The following TM9SF4 variants were observed in gnomAD, a reference collection of about 807,000 sequenced individuals.
The protein encoded by TM9SF4 is dinucleotide oxidase disulfide thiol exchanger 3 superfamily member 4.
Under a neutral mutation model 90.4 loss-of-function variants are expected in TM9SF4, and 26 were observed. The ratio of observed to expected loss-of-function variants is 0.29; its 90% CI spans 0.21 to 0.40. The LOEUF is 0.40. Ranked by LOEUF, TM9SF4 falls within the 10% of genes least tolerant of loss-of-function variation. The probability of loss-of-function intolerance (pLI) is 1.00; values close to 1 mark genes in which losing one functional copy is unlikely to be tolerated. For synonymous variants in TM9SF4, 293 were observed against 315.4 expected (o/e 0.93, Z 0.75); for missense variants, 549 against 834.8 (o/e 0.66, Z 4.22).
At chr20:32,146,706 C>A in intron 8 of TM9SF4, 79 bp from the exon 9 acceptor site, 1 of 1,433,312 alleles carries the variant, frequency 7.0e-7, no homozygotes, top group Non-Finnish European at 9.8e-7. Context: ...CACAGTAAAA[C>A]ATCATGTCTA....
intron 2 of TM9SF4, 48 bp downstream of exon 2, chr20:32,133,174 C>T (rs760208592): frequency 6.4e-7 from 1 of 1,561,952 alleles, no homozygotes; most frequent in Non-Finnish European, 8.8e-7. Flanking sequence ...GGCAGTGTGT[C>T]TGGAGCACCA....
intron 12 of TM9SF4, 86 bp downstream of exon 12, chr20:32,150,961 T>A: frequency 6.7e-7 from 1 of 1,493,056 alleles, no homozygotes; most frequent in African/African-American, 1.4e-5. Context: ...CAGGTCCTGG[T>A]GGGGATTTTT....
intron 1 of TM9SF4, among the ~76,000 whole-genome samples, chr20:32,123,864 A>ATT (rs1251272520): frequency 3.7e-4 from 22 of 60,198 alleles, no homozygotes; most frequent in African/African-American, 1.5e-3. Context: ...ATATATATAT[A>ATT]TATTTTTTTT....
At chr20:32,117,477 C>T (rs996100782) in intron 1 of TM9SF4, among the ~76,000 whole-genome samples, 5 of 152,242 alleles carry the variant, frequency 3.3e-5, no homozygotes, top group Admixed American at 2.6e-4. Flanking sequence ...ATTTTTCGTT[C>T]TCAGGGAAAC....
intron 1 of TM9SF4, among the ~76,000 whole-genome samples, chr20:32,126,821 C>T (rs906829275): frequency 2.0e-5 from 3 of 151,938 alleles, no homozygotes; most frequent in Admixed American, 6.6e-5. Context: ...CTGCAACCTG[C>T]GCCTCCTGGG....
intron 9 of TM9SF4, among the ~76,000 whole-genome samples, chr20:32,148,663 CTTTTTTTTTTTTT>C (rs1234035990): frequency 8.3e-6 from 1 of 120,154 alleles, no homozygotes; most frequent in Non-Finnish European, 1.7e-5. Context: ...AATATTACAG[CTTTTTTTTTTTTT>C]TTTTTTTTTT....
rs1328259312 is a variant in TM9SF4, at chr20:32,113,746, C to T, written c.15+3991C>T. ...AGTGTTTTTATAGGTTGTGCATACA[C>T]TAAATGTGATGGTTATCACCATTGT... On this transcript the variant is annotated intron_variant, in intron 1 of 17. Transcript: ENST00000398022. Among the ~76,000 whole-genome samples, 3 of 152,154 alleles carry T rather than the reference C, an allele frequency of 2.0e-5. No homozygotes were observed. In the South Asian group the frequency reaches 6.2e-4, roughly 31 times the overall value.
At chr20:32,153,803 C>T (rs1170136720) in intron 12 of TM9SF4, among the ~76,000 whole-genome samples, 2 of 152,166 alleles carry the variant, frequency 1.3e-5, no homozygotes, top group African/African-American at 4.8e-5. Flanking sequence ...AGACTAGAAT[C>T]CCTGTGCCTA....
intron 1 of TM9SF4, among the ~76,000 whole-genome samples, chr20:32,111,956 C>T (rs1290538501): frequency 6.6e-6 from 1 of 152,190 alleles, no homozygotes; most frequent in African/African-American, 2.4e-5. Context: ...CTGCGGTCTA[C>T]ATTTTGTTGT....
intron 17 of TM9SF4, among the ~76,000 whole-genome samples, 167 bp downstream of exon 17, chr20:32,161,532 G>A (rs1026008525): frequency 6.6e-6 from 1 of 152,146 alleles, no homozygotes; most frequent in African/African-American, 2.4e-5. Context: ...ATCTTTTTAG[G>A]AAAGAAAGAA....
chr20:32,116,946 A>T, intron 1 of TM9SF4, among the ~76,000 whole-genome samples: 1 of 134,048 alleles, frequency 7.5e-6, no homozygotes. Context: ...GTCGCCAGGC[A>T]CAGTGGCTTA....
chr20:32,135,817 G>C (rs1443213605), intron 2 of TM9SF4, among the ~76,000 whole-genome samples: 1 of 152,182 alleles, frequency 6.6e-6, no homozygotes, highest in African/African-American at 2.4e-5. Context: ...TGAAATTGCT[G>C]TGTCAAGGGA....
At chr20:32,124,267 G>C (rs916068772) in intron 1 of TM9SF4, among the ~76,000 whole-genome samples, 1 of 152,194 alleles carries the variant, frequency 6.6e-6, no homozygotes, top group South Asian at 2.1e-4. Context: ...ACAATGGTTT[G>C]TTAAAAGAAA....
rs375902671 is a variant in TM9SF4, at chr20:32,160,081, C to T, written c.1659C>T (p.Ile553=). The part of the protein sequence containing the change: ...ILVVSCSQIS[I]VMVYFQLCAE... The stretch of plus-strand genomic sequence containing the variant: ...TGGTATCCTGTTCACAAATCAGCAT[C>T]GTCATGGTGTACTTCCAGCTGTGTG... Residue 553 remains isoleucine, a synonymous_variant, in exon 16 of 18, where the codon ATC becomes ATT. Transcript: ENST00000398022. The T allele has an allele frequency of 1.5e-4, 243 of 1,614,172 alleles. No homozygotes were observed. Among genetic ancestry groups the T allele is most frequent in the Middle Eastern group, 3.3e-4 (2 of 6,060 alleles).
At position 32,161,244 on chromosome 20, in the gene TM9SF4, A is replaced by G. The variant is rs557699815; in HGVS notation, c.1690-32A>G. On this transcript the variant is annotated intron_variant, in intron 16 of 17. Coordinates refer to ENST00000398022, the MANE Select transcript of TM9SF4 (RefSeq NM_014742.4). Reference sequence around the variant, plus strand: ...TGGTAGGAAGGGGTTCTGCCCCAGGACAACACTGACCTTCCTCTGTTTCCT... The same window carrying G: ...TGGTAGGAAGGGGTTCTGCCCCAGGGCAACACTGACCTTCCTCTGTTTCCT... 1.1e-4 allele frequency: 170 copies of G among 1,601,030 alleles called. 3 individuals carry two copies. In the Admixed American group the frequency reaches 2.7e-3, roughly 25 times the overall value.
At chr20:32,157,663 G>A (rs2046947961) in intron 13 of TM9SF4, 131 bp from the exon 14 acceptor site, 2 of 1,191,992 alleles carry the variant, frequency 1.7e-6, no homozygotes, top group Non-Finnish European at 1.2e-6. Context: ...CCTGTGGTGG[G>A]GGCAGGGAGT....
chr20:32,144,100 C>T (rs1391520574), intron 6 of TM9SF4, among the ~76,000 whole-genome samples: 1 of 152,168 alleles, frequency 6.6e-6, no homozygotes. Context: ...CGCCCACTAC[C>T]GCACCTGGCT....
intron 12 of TM9SF4, among the ~76,000 whole-genome samples, chr20:32,152,115 C>T (rs1443291800): frequency 2.6e-5 from 4 of 151,968 alleles, no homozygotes; most frequent in Admixed American, 2.6e-4. Context: ...CATGATCCGC[C>T]CGCCTCGGCC....
intron 3 of TM9SF4, among the ~76,000 whole-genome samples, chr20:32,138,864 A>G (rs1468671958): frequency 1.3e-5 from 2 of 152,218 alleles, no homozygotes; most frequent in Non-Finnish European, 2.9e-5. Context: ...TATAGAGGAA[A>G]GAGGCCAGGG....
Sources: allele counts gnomAD v4.1 joint callset (sites outside exome capture counted in the v4.1 genomes callset), GRCh38; gene constraint gnomAD v4.1.1; transcripts MANE v1.5; gene names NCBI Gene and HGNC (gene_info 2026-07-23, HGNC 2026-07-21).